TRAPPC9: variants seen among roughly 807,000 people sequenced by gnomAD.
TRAPPC9 encodes trafficking protein particle complex subunit 9, also known as IKK2 binding protein.
TRAPPC9 carries 83 observed loss-of-function variants against 124.0 expected under a neutral mutation model. That is an observed-to-expected ratio of 0.67 (90% confidence interval 0.56 to 0.80). The LOEUF (loss-of-function observed/expected upper bound fraction) is 0.80, where lower values mean the gene tolerates loss of function less well. TRAPPC9 is among the 30% of genes least tolerant of loss of function. The probability of loss-of-function intolerance (pLI) is 0.00; values close to 1 mark genes in which losing one functional copy is unlikely to be tolerated. For missense variants in TRAPPC9, 1,302 were observed against 1,508.3 expected, an observed-to-expected ratio of 0.86 and a Z score of 2.27; for synonymous variants, 638 against 617.5, an observed-to-expected ratio of 1.03 and a Z score of -0.49.
chr8:139,971,748 T>TACACACACACACAC (rs6150859), intron 19 of TRAPPC9, among the ~76,000 whole-genome samples: 2 of 146,054 alleles, frequency 1.4e-5, no homozygotes, highest in African/African-American at 5.2e-5. Flanking sequence ...CATATATATA[T>TACACACACACACAC]ACACACACAC....
chr8:140,176,295 C>T (rs77016909), intron 17 of TRAPPC9, among the ~76,000 whole-genome samples: 1 of 152,290 alleles, frequency 6.6e-6, no homozygotes, highest in Non-Finnish European at 1.5e-5. Flanking sequence ...CCTAAAAGTG[C>T]CTTCCTGCCT....
chr8:139,750,419 C>T (rs779165293), intron 21 of TRAPPC9, among the ~76,000 whole-genome samples: 9 of 152,180 alleles, frequency 5.9e-5, no homozygotes, highest in Admixed American at 2.0e-4. Context: ...AGACAAGAGG[C>T]GCCCTCAGGC....
intron 9 of TRAPPC9, among the ~76,000 whole-genome samples, chr8:140,334,038 G>T (rs576278416): frequency 2.6e-5 from 4 of 152,296 alleles, no homozygotes; most frequent in South Asian, 4.1e-4. Context: ...GTTTACAGAT[G>T]AGAGAAATTG....
chr8:140,413,017 C>G (rs1279950821), intron 5 of TRAPPC9, among the ~76,000 whole-genome samples: 1 of 152,154 alleles, frequency 6.6e-6, no homozygotes, highest in Admixed American at 6.6e-5. Context: ...CTTACACACT[C>G]ATAACACTCG....
intron 19 of TRAPPC9, among the ~76,000 whole-genome samples, chr8:139,948,591 G>A (rs1563944951): frequency 6.6e-6 from 1 of 152,072 alleles, no homozygotes; most frequent in South Asian, 2.1e-4. Flanking sequence ...CTTCCTTTAG[G>A]AGGAGCCCCC....
At chr8:139,831,272 G>T (rs1825974283) in intron 21 of TRAPPC9, among the ~76,000 whole-genome samples, 2 of 152,160 alleles carry the variant, frequency 1.3e-5, no homozygotes, top group Admixed American at 1.3e-4. Flanking sequence ...GTGTGTGTCT[G>T]ACAGACTCTG....
intron 21 of TRAPPC9, among the ~76,000 whole-genome samples, chr8:139,841,966 G>C (rs1392853636): frequency 1.3e-5 from 2 of 152,256 alleles, no homozygotes; most frequent in Non-Finnish European, 2.9e-5. Context: ...AGAGGACTGA[G>C]CAAGTGAAGA....
At position 140,279,097 on chromosome 8, in the gene TRAPPC9, T is replaced by C; in HGVS notation, c.2115-3276A>G. ...TGCTTGATTATCTGACCAATTGTTGTGGATCTTGTAAGGCCCAGTTTAATA... is the reference window on the plus strand; with the variant it reads ...TGCTTGATTATCTGACCAATTGTTGCGGATCTTGTAAGGCCCAGTTTAATA... On this transcript the variant is annotated intron_variant, in intron 14 of 22. Transcript: ENST00000438773. 1.3e-5 allele frequency among the ~76,000 whole-genome samples: 2 copies of C among 152,236 alleles called. 1 individual carries two copies. Among genetic ancestry groups the C allele is most frequent in the Non-Finnish European group, 2.9e-5 (2 of 68,044 alleles).
intron 21 of TRAPPC9, among the ~76,000 whole-genome samples, chr8:139,799,900 C>T (rs111237886): frequency 2.0e-5 from 3 of 152,134 alleles, no homozygotes; most frequent in Non-Finnish European, 4.4e-5. Context: ...CTTCTCAGGC[C>T]GATGGGGAAA....
chr8:139,777,684 G>C (rs1022130423), intron 21 of TRAPPC9, among the ~76,000 whole-genome samples: 2 of 152,192 alleles, frequency 1.3e-5, no homozygotes, highest in Admixed American at 6.5e-5. Context: ...GGAGTAACAA[G>C]GATAGATTTA....
intron 7 of TRAPPC9, among the ~76,000 whole-genome samples, chr8:140,378,825 C>A (rs1481291993): frequency 4.6e-5 from 7 of 152,314 alleles, no homozygotes; most frequent in African/African-American, 1.7e-4. Flanking sequence ...GTTACCACAG[C>A]TAGGCAGGGC....
intron 17 of TRAPPC9, among the ~76,000 whole-genome samples, chr8:140,194,512 T>G (rs1373484366): frequency 6.6e-6 from 1 of 152,168 alleles, no homozygotes; most frequent in South Asian, 2.1e-4. Flanking sequence ...TTTTTTTGCT[T>G]GAATACTTTC....
At chr8:139,937,620 C>T (rs1214696368) in intron 19 of TRAPPC9, among the ~76,000 whole-genome samples, 1 of 152,090 alleles carries the variant, frequency 6.6e-6, no homozygotes, top group Non-Finnish European at 1.5e-5. Context: ...CAGCGTCGTC[C>T]ACACTGGAGG....
At chr8:139,759,744 C>T (rs895930550) in intron 21 of TRAPPC9, among the ~76,000 whole-genome samples, 8 of 152,220 alleles carry the variant, frequency 5.3e-5, no homozygotes, top group African/African-American at 1.9e-4. Context: ...ATCCAGCTGC[C>T]ACCCAGTGCT....
chr8:140,431,118 C>T lies in TRAPPC9; in HGVS notation c.859+3994G>A, dbSNP rs115826915. ...TGGGTAGGTCAAGATGGCTACATAACGGCCATGTCTCTAAACCTGCAGCTA... is the reference window on the plus strand; with the variant it reads ...TGGGTAGGTCAAGATGGCTACATAATGGCCATGTCTCTAAACCTGCAGCTA... On this transcript the variant is annotated intron_variant, in intron 4 of 22. Transcript: ENST00000438773. Among the ~76,000 whole-genome samples, 678 of 152,218 alleles carry T rather than the reference C, an allele frequency of 4.5e-3. 8 individuals carry two copies. Among genetic ancestry groups the T allele is most frequent in the African/African-American group, 0.015 (629 of 41,524 alleles).
At chr8:140,455,940 A>T (rs2071644649) in intron 1 of TRAPPC9, among the ~76,000 whole-genome samples, 1 of 152,244 alleles carries the variant, frequency 6.6e-6, no homozygotes, top group African/African-American at 2.4e-5. Context: ...GTATGATTCC[A>T]TTAATAGGAA....
chr8:140,068,236 T>C (rs925525382), intron 17 of TRAPPC9, among the ~76,000 whole-genome samples: 7 of 152,040 alleles, frequency 4.6e-5, no homozygotes, highest in Admixed American at 2.6e-4. Flanking sequence ...AGGTGTGACA[T>C]TGAGGCATTT....
intron 18 of TRAPPC9, among the ~76,000 whole-genome samples, chr8:140,006,807 G>A (rs1360775016): frequency 6.6e-6 from 1 of 152,164 alleles, no homozygotes; most frequent in South Asian, 2.1e-4. Flanking sequence ...GTAGATTAGT[G>A]GTTGCCTAGG....
rs1405153826 is a variant in TRAPPC9, at chr8:140,310,727, G to A, written c.1622+521C>T. On this transcript the variant is annotated intron_variant, in intron 10 of 22. Transcript: ENST00000438773. ...TCAGGAAAGGTGTCCTGGAAATGGG[G>A]CTGAGGATGAGCATGAAGGAACAAG... Among the ~76,000 whole-genome samples the A allele has an allele frequency of 2.6e-5, 4 of 152,032 alleles. No homozygotes were observed. In the East Asian group the frequency reaches 7.8e-4, roughly 29 times the overall value.
Sources: allele counts gnomAD v4.1 joint callset (sites outside exome capture counted in the v4.1 genomes callset), GRCh38; gene constraint gnomAD v4.1.1; transcripts MANE v1.5; gene names NCBI Gene and HGNC (gene_info 2026-07-23, HGNC 2026-07-21).